Variants in HECTD2 observed in about 807,000 individuals in gnomAD.
HECTD2 encodes probable E3 ubiquitin-protein ligase HECTD2.
A neutral mutation model predicts 103.2 loss-of-function variants in HECTD2; 35 were observed. The ratio of observed to expected loss-of-function variants is 0.34; its 90% CI spans 0.26 to 0.45. The LOEUF is 0.45. HECTD2 is among the 20% of genes least tolerant of loss of function. The probability of loss-of-function intolerance (pLI) is 1.00; values close to 1 mark genes in which losing one functional copy is unlikely to be tolerated. For synonymous variants in HECTD2, 281 were observed against 329.9 expected (o/e 0.85, Z 1.61); for missense variants, 596 against 937.4 (o/e 0.64, Z 4.76).
intron 3 of HECTD2, among the ~76,000 whole-genome samples, chr10:91,461,032 A>C (rs1002281752): frequency 5.9e-5 from 9 of 152,200 alleles, no homozygotes; most frequent in African/African-American, 1.7e-4. Flanking sequence ...GCGACATGTT[A>C]AGGATGATCT....
intron 2 of HECTD2, among the ~76,000 whole-genome samples, chr10:91,429,499 A>G (rs1261360711): frequency 2.0e-5 from 3 of 152,076 alleles, no homozygotes; most frequent in Non-Finnish European, 4.4e-5. Context: ...CTGTGAATCC[A>G]TCTGGTCCTG....
At chr10:91,497,287 CTTT>C (rs549997514) in intron 15 of HECTD2, among the ~76,000 whole-genome samples, 1 of 118,852 alleles carries the variant, frequency 8.4e-6, no homozygotes, top group Non-Finnish European at 1.8e-5. Context: ...GAAAATGTTT[CTTT>C]TTTTTTTTTT....
chr10:91,490,411 T>C (rs1278790857), intron 11 of HECTD2, among the ~76,000 whole-genome samples: 1 of 152,222 alleles, frequency 6.6e-6, no homozygotes, highest in Non-Finnish European at 1.5e-5. Context: ...ATAAAGGATA[T>C]GAATATTGTG....
chr10:91,444,440 T>C (rs1159647157), intron 2 of HECTD2, among the ~76,000 whole-genome samples: 2 of 152,222 alleles, frequency 1.3e-5, no homozygotes, highest in East Asian at 1.9e-4. Flanking sequence ...GATTTATTTT[T>C]AGTTGAAAAG....
At chr10:91,435,608 G>A (rs1844080869) in intron 2 of HECTD2, among the ~76,000 whole-genome samples, 2 of 151,984 alleles carry the variant, frequency 1.3e-5, no homozygotes, top group Non-Finnish European at 2.9e-5. Flanking sequence ...TGTGATTCCT[G>A]TTCCTTTGAA....
At chr10:91,511,278 CTA>C (rs961098266) in intron 20 of HECTD2, among the ~76,000 whole-genome samples, 47 of 152,166 alleles carry the variant, frequency 3.1e-4, no homozygotes, top group African/African-American at 8.4e-4. Flanking sequence ...GATAACAACA[CTA>C]TCAGATAGTA....
intron 5 of HECTD2, among the ~76,000 whole-genome samples, chr10:91,465,004 T>A (rs1454248316): frequency 1.3e-5 from 2 of 152,252 alleles, no homozygotes; most frequent in East Asian, 3.9e-4. Context: ...CACTAAAAAA[T>A]TTTCATACAT....
In HECTD2 at chr10:91,462,076, T is replaced by A; in HGVS notation, c.511-19T>A. ...CTTTAAAATGTTGAATATACTTAAT[T>A]CTTAAATTGAATTTGCAGAAAGATG... On this transcript the variant is annotated intron_variant, in intron 4 of 20. Transcript: ENST00000298068. 6.5e-7 allele frequency: 1 copy of A among 1,530,100 alleles called. No individual in the cohort carries two copies. The highest frequency in any genetic ancestry group is 1.1e-5 in the South Asian group (1 of 87,482). 94.8% of individuals were successfully genotyped at this position (1,530,100 alleles called of 1,614,324 possible).
Position 91,491,204 on chromosome 10 carries a change from G to A in HECTD2, c.1196G>A (p.Ser399Asn). The A allele has an allele frequency of 6.6e-7, 1 of 1,523,080 alleles. No homozygotes were observed. Among genetic ancestry groups the A allele is most frequent in the Non-Finnish European group, 9.1e-7 (1 of 1,103,878 alleles). 94.3% of individuals were successfully genotyped at this position (1,523,080 alleles called of 1,614,324 possible). A position where few individuals can be genotyped will look rare whatever the true frequency, so the allele number is the denominator to read the frequency against. Residue 399 changes from serine to asparagine, a missense_variant, in exon 12 of 21, where the codon AGT (serine) becomes AAT (asparagine). Coordinates refer to ENST00000298068, the MANE Select transcript of HECTD2 (RefSeq NM_182765.6). ...EQQMINIARQ[S>N]LVDKVSRRQR... ...TTTACTTTCTTATTTAATCAGCAAAGTCTGGTGGATAAAGTATCTCGAAGA... is the reference window on the plus strand; with the variant it reads ...TTTACTTTCTTATTTAATCAGCAAAATCTGGTGGATAAAGTATCTCGAAGA...
intron 2 of HECTD2, among the ~76,000 whole-genome samples, chr10:91,454,824 G>GT (rs1463464064): frequency 5.3e-5 from 8 of 151,886 alleles, no homozygotes; most frequent in Non-Finnish European, 2.9e-5. Flanking sequence ...GCGGTGTTTG[G>GT]TTTTTTGTCC....
intron 20 of HECTD2, among the ~76,000 whole-genome samples, chr10:91,508,814 C>G (rs1035410030): frequency 6.6e-6 from 1 of 152,004 alleles, no homozygotes; most frequent in African/African-American, 2.4e-5. Flanking sequence ...GCTATAAAGA[C>G]ACAGGCACAC....
At position 91,425,389 on chromosome 10, in the gene HECTD2, GT is replaced by G; in HGVS notation, c.251del (p.Phe84SerfsTer7). The G allele has an allele frequency of 6.4e-7, 1 of 1,567,748 alleles. No individual in the cohort carries two copies. Among genetic ancestry groups the G allele is most frequent in the Non-Finnish European group, 8.7e-7 (1 of 1,152,862 alleles). On this transcript the variant is annotated frameshift_variant, in exon 2 of 21. Transcript: ENST00000298068. LOFTEE classifies it high-confidence loss of function. ...AENRSSPAHL[V>X]FPNIKNVREP... ...AAACAGAAGTTCACCTGCACATCTT[GT>G]TTTCCCTAACATCAAGAATGGTAAA...
Position 91,506,185 on chromosome 10 carries a change from T to C in HECTD2, c.2210+4851T>C, listed in dbSNP as rs369987034. On this transcript the variant is annotated intron_variant, in intron 20 of 20. Coordinates refer to ENST00000298068, the MANE Select transcript of HECTD2 (RefSeq NM_182765.6). The stretch of plus-strand genomic sequence containing the variant: ...AAGAGAAAGCAGGAAAGATCCAAAA[T>C]TGACACCCTAACATCACAATTAAAA... Among the ~76,000 whole-genome samples, 11 of 149,668 alleles carry C rather than the reference T, an allele frequency of 7.3e-5. No individual in the cohort carries two copies. The South Asian group carries it at 1.5e-3, about 20-fold the overall frequency.
At chr10:91,470,986 A>G (rs10786001) in intron 5 of HECTD2, among the ~76,000 whole-genome samples, 150,460 of 151,966 alleles carry the variant, frequency 0.99, 74,488 homozygotes, top group East Asian at 1. Context: ...ACACACACAC[A>G]CACGCACACA....
chr10:91,461,570 A>T (rs569165248), intron 4 of HECTD2, among the ~76,000 whole-genome samples: 11 of 152,106 alleles, frequency 7.2e-5, no homozygotes, highest in Admixed American at 1.3e-4. Context: ...TTGTTTTGAG[A>T]TGGAGTCTCA....
chr10:91,507,175 A>G (rs1448047466), intron 20 of HECTD2, among the ~76,000 whole-genome samples: 3 of 150,934 alleles, frequency 2.0e-5, no homozygotes, highest in African/African-American at 4.9e-5. Context: ...ATCATACTGA[A>G]TGGGCAAAAA....
intron 2 of HECTD2, among the ~76,000 whole-genome samples, chr10:91,456,797 A>G (rs1375071636): frequency 6.6e-6 from 1 of 152,084 alleles, no homozygotes; most frequent in Non-Finnish European, 1.5e-5. Context: ...TAGCTCACGG[A>G]CGTAGGAAAA....
At chr10:91,457,207 CT>C (rs1243471525) in intron 2 of HECTD2, among the ~76,000 whole-genome samples, 5 of 152,022 alleles carry the variant, frequency 3.3e-5, no homozygotes, top group African/African-American at 4.8e-5. Flanking sequence ...TCCGGATGGT[CT>C]CACAAGATAA....
upstream of HECTD2, among the ~76,000 whole-genome samples, chr10:91,409,950 T>G (rs1252929544): frequency 6.6e-6 from 1 of 152,218 alleles, no homozygotes; most frequent in East Asian, 1.9e-4. Flanking sequence ...CTGGTACCAC[T>G]CGGACACTCT....
Sources: gnomAD v4.1 joint callset for allele counts (sites outside exome capture counted in the v4.1 genomes callset) on GRCh38, gnomAD v4.1.1 for gene constraint, MANE v1.5 for transcripts, NCBI Gene and HGNC (gene_info 2026-07-23, HGNC 2026-07-21) for gene names.